GRHL2: variants seen among roughly 807,000 people sequenced by gnomAD.
GRHL2 encodes the protein grainyhead-like protein 2 homolog.
Under a neutral mutation model 83.8 loss-of-function variants are expected in GRHL2, and 21 were observed. That is an observed-to-expected ratio of 0.25 (90% CI 0.18 to 0.36). GRHL2 has a LOEUF of 0.36. Ranked by LOEUF, GRHL2 falls within the 10% of genes least tolerant of loss-of-function variation. The pLI, the probability that GRHL2 is intolerant of heterozygous loss-of-function variation, is 1.00. For missense variants in GRHL2, 623 were observed against 781.8 expected, an observed-to-expected ratio of 0.80 and a Z score of 2.42; for synonymous variants, 280 against 278.9, an observed-to-expected ratio of 1.00 and a Z score of -0.04.
At chr8:101,676,773 G>A in the GRHL2 span, among the ~76,000 whole-genome samples, 2 of 152,126 alleles carry the variant, frequency 1.3e-5, no homozygotes, top group East Asian at 3.8e-4. Flanking sequence ...TATGTTTATT[G>A]CGGTACTATT....
downstream of GRHL2, among the ~76,000 whole-genome samples, chr8:101,673,626 C>A (rs1317192464): frequency 1.3e-5 from 2 of 152,088 alleles, no homozygotes; most frequent in East Asian, 3.9e-4. Flanking sequence ...TGACACCCCA[C>A]TGTCAACATT....
In GRHL2 at chr8:101,550,585, TA is replaced by T. The variant is rs566838414; in HGVS notation, c.217-2123del. Among the ~76,000 whole-genome samples, 426 of 152,260 alleles carry T rather than the reference TA, an allele frequency of 2.8e-3. 1 individual carries two copies. The highest frequency in any genetic ancestry group is 8.6e-3 in the African/African-American group (357 of 41,544). The stretch of plus-strand genomic sequence containing the variant: ...ATACTTACTTCTTCCTTAATGCCTT[TA>T]AAAAAATTGTCATAAAAGATATATA... On this transcript the variant is annotated intron_variant, in intron 2 of 15. Transcript: ENST00000646743.
In GRHL2 at chr8:101,643,507, G is replaced by A. The variant is rs956586267; in HGVS notation, c.1518-624G>A. On this transcript the variant is annotated intron_variant, in intron 12 of 15. Transcript: ENST00000646743. ...TGGGGACATGCAAGGCCTCAGCACC[G>A]CAGGCTTCTGGGAAAGGGGACTGCA... Among the ~76,000 whole-genome samples, 7 of 151,912 alleles carry A rather than the reference G, an allele frequency of 4.6e-5. No individual in the cohort carries two copies. In the South Asian group the frequency reaches 6.3e-4, roughly 14 times the overall value.
chr8:101,646,265 G>A (rs1159575546), intron 13 of GRHL2, among the ~76,000 whole-genome samples: 2 of 152,164 alleles, frequency 1.3e-5, no homozygotes, highest in Non-Finnish European at 2.9e-5. Flanking sequence ...AGTCAGGGCA[G>A]TAACATGGAA....
chr8:101,514,315 G>A (rs1810524874), intron 1 of GRHL2, among the ~76,000 whole-genome samples: 1 of 152,200 alleles, frequency 6.6e-6, no homozygotes, highest in African/African-American at 2.4e-5. Context: ...CTCAGTTTAT[G>A]TATGTGTTAG....
intron 9 of GRHL2, among the ~76,000 whole-genome samples, chr8:101,628,480 C>T (rs1224691634): frequency 6.6e-6 from 1 of 151,994 alleles, no homozygotes; most frequent in Non-Finnish European, 1.5e-5. Flanking sequence ...TGGGGATGTA[C>T]AAAAAGATTA....
At chr8:101,568,666 A>G (rs1174038155) in intron 4 of GRHL2, among the ~76,000 whole-genome samples, 1 of 152,036 alleles carries the variant, frequency 6.6e-6, no homozygotes, top group African/African-American at 2.4e-5. Context: ...GTTATATATA[A>G]TTTTGTGTTT....
intron 14 of GRHL2, among the ~76,000 whole-genome samples, chr8:101,662,962 T>C (rs1813955751): frequency 6.6e-6 from 1 of 152,154 alleles, no homozygotes; most frequent in Non-Finnish European, 1.5e-5. Context: ...AATATTTTTG[T>C]TAATGTGAAT....
chr8:101,646,180 A>T (rs1240524255), intron 13 of GRHL2, among the ~76,000 whole-genome samples: 3 of 152,168 alleles, frequency 2.0e-5, no homozygotes, highest in East Asian at 1.9e-4. Context: ...CCTTTAAAAA[A>T]TTTTCTGATT....
chr8:101,519,886 G>A (rs1470326165), intron 1 of GRHL2, among the ~76,000 whole-genome samples: 1 of 152,098 alleles, frequency 6.6e-6, no homozygotes, highest in East Asian at 1.9e-4. Context: ...AGGACTAGAG[G>A]ACTTGAGTGC....
In GRHL2 at chr8:101,610,985, T is replaced by C. The variant is rs947158057; in HGVS notation, c.1099-8554T>C. 2.7e-5 allele frequency among the ~76,000 whole-genome samples: 4 copies of C among 150,846 alleles called. 1 individual carries two copies. Among genetic ancestry groups the C allele is most frequent in the African/African-American group, 5.0e-5 (2 of 40,274 alleles). On this transcript the variant is annotated intron_variant, in intron 8 of 15. Coordinates refer to ENST00000646743, the MANE Select transcript of GRHL2 (RefSeq NM_024915.4). ...TAAGGGCAGAAGGATAAGAAGAGGA[T>C]TGAGATCAAGAGGTAACCAGCGACT...
intron 2 of GRHL2, among the ~76,000 whole-genome samples, chr8:101,549,894 G>A (rs1292961453): frequency 3.3e-5 from 5 of 151,492 alleles, no homozygotes; most frequent in East Asian, 1.9e-4. Flanking sequence ...GTTTTATCTC[G>A]TATCATGGGG....
intron 1 of GRHL2, among the ~76,000 whole-genome samples, chr8:101,495,845 G>A (rs1810090319): frequency 6.6e-6 from 1 of 152,114 alleles, no homozygotes; most frequent in African/African-American, 2.4e-5. Flanking sequence ...TTACAAAAAT[G>A]TTTTTAAAAA....
chr8:101,590,844 G>A (rs1812266097), intron 7 of GRHL2, among the ~76,000 whole-genome samples: 1 of 152,116 alleles, frequency 6.6e-6, no homozygotes, highest in South Asian at 2.1e-4. Flanking sequence ...CAGCATTCCA[G>A]CTTCATTATT....
intron 7 of GRHL2, 69 bp downstream of exon 7, chr8:101,577,588 C>A: frequency 9.7e-7 from 1 of 1,029,378 alleles, no homozygotes; most frequent in Non-Finnish European, 1.5e-6. Flanking sequence ...CCAAGGGGAG[C>A]CTGGCGTAGT....
At chr8:101,658,229 C>T (rs1321577412) in intron 14 of GRHL2, among the ~76,000 whole-genome samples, 1 of 152,190 alleles carries the variant, frequency 6.6e-6, no homozygotes, top group Non-Finnish European at 1.5e-5. Flanking sequence ...CTTCTTTGTA[C>T]AGTTGCTTCT....
intron 7 of GRHL2, among the ~76,000 whole-genome samples, chr8:101,584,724 AG>A (rs1484039560): frequency 1.3e-5 from 2 of 152,062 alleles, no homozygotes; most frequent in Non-Finnish European, 2.9e-5. Flanking sequence ...GAAAAGTGGG[AG>A]GGTGGAGATT....
chr8:101,616,685 G>C (rs991212027), intron 8 of GRHL2, among the ~76,000 whole-genome samples: 2 of 152,050 alleles, frequency 1.3e-5, no homozygotes, highest in Admixed American at 6.5e-5. Flanking sequence ...CTGCCTCTCT[G>C]TACACACAAC....
At chr8:101,644,849 AT>A (rs1160474484) in intron 13 of GRHL2, among the ~76,000 whole-genome samples, 2,178 of 140,458 alleles carry the variant, frequency 0.016, 27 homozygotes, top group African/African-American at 0.042. Flanking sequence ...CCAGTACTGG[AT>A]TTTTTTTTTT....
Sources: gnomAD v4.1 joint callset for allele counts (sites outside exome capture counted in the v4.1 genomes callset) on GRCh38, gnomAD v4.1.1 for gene constraint, MANE v1.5 for transcripts, NCBI Gene and HGNC (gene_info 2026-07-23, HGNC 2026-07-21) for gene names.